FKBP1B: variants seen among roughly 807,000 people sequenced by gnomAD.
The protein encoded by FKBP1B is peptidyl-prolyl cis-trans isomerase FKBP1B.
FKBP1B carries 4 observed loss-of-function variants against 13.5 expected under a neutral mutation model. That is an observed-to-expected ratio of 0.30 (90% CI 0.15 to 0.68). The LOEUF (loss-of-function observed/expected upper bound fraction) is 0.68. Ranked by LOEUF, FKBP1B falls within the 30% of genes least tolerant of loss-of-function variation. The pLI, the probability that FKBP1B is intolerant of heterozygous loss-of-function variation, is 0.76. For missense variants in FKBP1B, 93 were observed against 136.2 expected (o/e 0.68, Z 1.58); for synonymous variants, 54 against 53.6 (o/e 1.01, Z -0.03).
chr2:24,042,761 G>A, the FKBP1B span, among the ~76,000 whole-genome samples: 3 of 150,490 alleles, frequency 2.0e-5, no homozygotes, highest in South Asian at 4.2e-4. Context: ...AGCCAGGCGC[G>A]GCGGCTCACG....
the FKBP1B span, among the ~76,000 whole-genome samples, chr2:24,042,452 C>A: frequency 6.8e-6 from 1 of 147,770 alleles, no homozygotes; most frequent in Non-Finnish European, 1.5e-5. Context: ...AGGAGAATGG[C>A]GTGAACCCTG....
Position 24,063,228 on chromosome 2 carries a change from G to A in FKBP1B, c.*36G>A, listed in dbSNP as rs757557531. ...GAACTCAAGGTGGCTGGAGATGGCT[G>A]CTGCTCACCCTCCTAGCCTGCTCTG... On this transcript the variant is annotated 3_prime_UTR_variant, in exon 4 of 4. Coordinates refer to ENST00000380986, the MANE Select transcript of FKBP1B (RefSeq NM_004116.5). 7 of 1,550,638 alleles carry A rather than the reference G, an allele frequency of 4.5e-6. No individual in the cohort carries two copies. Among genetic ancestry groups the A allele is most frequent in the African/African-American group, 1.4e-5 (1 of 73,340 alleles).
intron 3 of FKBP1B, among the ~76,000 whole-genome samples, chr2:24,062,734 A>T (rs994530596): frequency 6.6e-6 from 1 of 152,216 alleles, no homozygotes; most frequent in African/African-American, 2.4e-5. Flanking sequence ...TTTCCTAAAG[A>T]GGCCTATTCT....
chr2:24,062,965 G>T, intron 3 of FKBP1B, 99 bp from the exon 4 acceptor site: 2 of 1,557,788 alleles, frequency 1.3e-6, no homozygotes, highest in South Asian at 2.3e-5. Context: ...AGTTAACATT[G>T]AGGATGGTTT....
chr2:24,055,174 A>G (rs1000175357), intron 2 of FKBP1B, among the ~76,000 whole-genome samples: 1 of 149,876 alleles, frequency 6.7e-6, no homozygotes, highest in Non-Finnish European at 1.5e-5. Context: ...ACCTCCCTAG[A>G]GGTAGCTATC....
the FKBP1B span, among the ~76,000 whole-genome samples, chr2:24,043,323 G>A: frequency 3.3e-5 from 5 of 152,054 alleles, no homozygotes; most frequent in Admixed American, 6.6e-5. Flanking sequence ...ACAACAGAGT[G>A]AGACTCGGTC....
rs149612087 is a variant in FKBP1B, at chr2:24,051,759, T to C, written c.37+1873T>C. ...TTCACCATTCTCTCCTCTATGATGT[T>C]TTCCTTGACTTCTGTGGTCAGTTAG... On this transcript the variant is annotated intron_variant, in intron 1 of 3. Coordinates refer to ENST00000380986, the MANE Select transcript of FKBP1B (RefSeq NM_004116.5). Among the ~76,000 whole-genome samples, 6 of 152,310 alleles carry C rather than the reference T, an allele frequency of 3.9e-5. No individual in the cohort carries two copies. In the East Asian group the frequency reaches 1.2e-3, roughly 29 times the overall value.
chr2:24,041,036 C>G, the FKBP1B span, among the ~76,000 whole-genome samples: 1 of 151,514 alleles, frequency 6.6e-6, no homozygotes, highest in Non-Finnish European at 1.5e-5. Flanking sequence ...ACAACAACAA[C>G]AAAAAACAAG....
At chr2:24,037,830 A>G in the FKBP1B span, 10 of 1,614,202 alleles carry the variant, frequency 6.2e-6, no homozygotes, top group Middle Eastern at 1.6e-4. Context: ...TAGACAGCTG[A>G]TAAGTTTCCT....
At chr2:24,051,346 GA>G (rs34668586) in intron 1 of FKBP1B, among the ~76,000 whole-genome samples, 3 of 147,350 alleles carry the variant, frequency 2.0e-5, no homozygotes, top group Admixed American at 6.7e-5. Context: ...AAAAAAAAAA[GA>G]AAAAAAATGC....
chr2:24,037,986 C>A, the FKBP1B span: 3 of 1,614,208 alleles, frequency 1.9e-6, no homozygotes, highest in Non-Finnish European at 2.5e-6. Flanking sequence ...AGATACTAGA[C>A]AGAGGACTCT....
chr2:24,062,608 T>A (rs950747944), intron 3 of FKBP1B, among the ~76,000 whole-genome samples: 69 of 152,198 alleles, frequency 4.5e-4, no homozygotes, highest in African/African-American at 1.7e-3. Context: ...GCCACCACGG[T>A]TGGCCACAAT....
chr2:24,056,080 C>T (rs917817359), intron 2 of FKBP1B, among the ~76,000 whole-genome samples: 4 of 152,086 alleles, frequency 2.6e-5, no homozygotes, highest in Admixed American at 6.6e-5. Flanking sequence ...ACCTCTGCCT[C>T]CTGGGTTCAA....
At chr2:24,038,780 T>C in the FKBP1B span, 29 of 1,614,100 alleles carry the variant, frequency 1.8e-5, no homozygotes, top group African/African-American at 4.0e-5. Context: ...TTAGGTGGGA[T>C]ATTAAAGGTT....
chr2:24,039,410 T>C, the FKBP1B span: 1 of 1,614,260 alleles, frequency 6.2e-7, no homozygotes, highest in African/African-American at 1.3e-5. Context: ...TTCCCATCGG[T>C]CCAGGCAAGG....
At chr2:24,049,998 G>A in intron 1 of FKBP1B, 112 bp downstream of exon 1, 3 of 808,428 alleles carry the variant, frequency 3.7e-6, no homozygotes, top group Non-Finnish European at 5.1e-6. Context: ...CGGGGGGCTG[G>A]ATGGGGAAGG....
At chr2:24,037,359 T>A in the FKBP1B span, among the ~76,000 whole-genome samples, 1 of 152,230 alleles carries the variant, frequency 6.6e-6, no homozygotes, top group South Asian at 2.1e-4. Context: ...GTATCTCTAT[T>A]ATATAAGGAA....
At chr2:24,040,606 C>T in the FKBP1B span, among the ~76,000 whole-genome samples, 1 of 152,222 alleles carries the variant, frequency 6.6e-6, no homozygotes, top group Non-Finnish European at 1.5e-5. Context: ...TTCACATTCC[C>T]TATTGCATTT....
chr2:24,037,806 A>C, the FKBP1B span: 1 of 1,614,212 alleles, frequency 6.2e-7, no homozygotes, highest in Non-Finnish European at 8.5e-7. Flanking sequence ...TCCTAGATAA[A>C]ATTTCCACTT....
Sources: gnomAD v4.1 joint callset for allele counts (sites outside exome capture counted in the v4.1 genomes callset) on GRCh38, gnomAD v4.1.1 for gene constraint, MANE v1.5 for transcripts, NCBI Gene and HGNC (gene_info 2026-07-23, HGNC 2026-07-21) for gene names.